The following CRPPA variants were observed in gnomAD, a reference collection of about 807,000 sequenced individuals.
CRPPA encodes the protein D-ribitol-5-phosphate cytidylyltransferase.
Under a neutral mutation model 52.0 loss-of-function variants are expected in CRPPA, and 43 were observed. The observed-to-expected ratio is 0.83, with a 90% CI of 0.65 to 1.07. CRPPA has a LOEUF of 1.07. CRPPA is among the 50% of genes least tolerant of loss of function. The pLI, the probability that CRPPA is intolerant of heterozygous loss-of-function variation, is 0.00. For synonymous variants in CRPPA, 250 were observed against 203.5 expected (o/e 1.23, Z -1.94); for missense variants, 629 against 551.7 (o/e 1.14, Z -1.40).
chr7:16,138,888 G>A (rs1782812073), intron 9 of CRPPA, among the ~76,000 whole-genome samples: 1 of 152,094 alleles, frequency 6.6e-6, no homozygotes, highest in African/African-American at 2.4e-5. Context: ...TGCAACATCT[G>A]CCTCCCAGGT....
intron 6 of CRPPA, 42 bp from the exon 7 acceptor site, chr7:16,259,054 C>G (rs751686177): frequency 7.5e-7 from 1 of 1,341,628 alleles, no homozygotes; most frequent in Non-Finnish European, 1.1e-6. Flanking sequence ...ATTAGATAGA[C>G]CAAACATAAA....
At position 16,266,635 on chromosome 7, in the gene CRPPA, C is replaced by T. The variant is rs181149347; in HGVS notation, c.934-7623G>A. 1.4e-3 allele frequency among the ~76,000 whole-genome samples: 213 copies of T among 152,106 alleles called. 2 individuals carry two copies. The highest frequency in any genetic ancestry group is 5.0e-3 in the African/African-American group (206 of 41,504). Reference sequence around the variant, plus strand: ...CTGGGATTACAGGTGCTCACCACCACGCCTGACTAATTTTTGTATTTTTAG... The same window carrying T: ...CTGGGATTACAGGTGCTCACCACCATGCCTGACTAATTTTTGTATTTTTAG... On this transcript the variant is annotated intron_variant, in intron 6 of 9. Coordinates refer to ENST00000407010, the MANE Select transcript of CRPPA (RefSeq NM_001101426.4).
chr7:16,257,105 A>G (rs1242090758), intron 8 of CRPPA, among the ~76,000 whole-genome samples: 2 of 152,082 alleles, frequency 1.3e-5, no homozygotes, highest in African/African-American at 2.4e-5. Flanking sequence ...TTTCATCCTT[A>G]TAACAACTTA....
At chr7:16,383,524 G>A (rs979021170) in intron 2 of CRPPA, among the ~76,000 whole-genome samples, 1 of 152,184 alleles carries the variant, frequency 6.6e-6, no homozygotes. Context: ...TCTCTTCAAA[G>A]CTGTCAGACA....
intron 3 of CRPPA, among the ~76,000 whole-genome samples, chr7:16,329,193 C>A (rs773763728): frequency 6.6e-6 from 1 of 152,164 alleles, no homozygotes; most frequent in African/African-American, 2.4e-5. Context: ...CAAGACCCCA[C>A]ACTAAAACTA....
At chr7:16,250,815 A>G (rs1366311498) in intron 8 of CRPPA, among the ~76,000 whole-genome samples, 3 of 152,236 alleles carry the variant, frequency 2.0e-5, no homozygotes, top group African/African-American at 7.2e-5. Context: ...AAACTGCATC[A>G]ACTAACGGGC....
At chr7:16,104,023 G>C (rs1033718968) in intron 9 of CRPPA, among the ~76,000 whole-genome samples, 1 of 152,072 alleles carries the variant, frequency 6.6e-6, no homozygotes, top group South Asian at 2.1e-4. Flanking sequence ...ATCATTTAAA[G>C]GATATTTTTG....
At chr7:16,145,165 G>A (rs142245530) in intron 9 of CRPPA, among the ~76,000 whole-genome samples, 7 of 152,322 alleles carry the variant, frequency 4.6e-5, no homozygotes, top group South Asian at 2.1e-4. Context: ...TAGTCTGGAA[G>A]CAGTTCTACC....
At chr7:16,388,517 G>A (rs536376764) in intron 2 of CRPPA, among the ~76,000 whole-genome samples, 1 of 152,180 alleles carries the variant, frequency 6.6e-6, no homozygotes, top group South Asian at 2.1e-4. Flanking sequence ...CAGACAAAGA[G>A]TAAACAAAAG....
At chr7:16,275,950 A>G (rs899275750) in intron 6 of CRPPA, among the ~76,000 whole-genome samples, 2 of 152,072 alleles carry the variant, frequency 1.3e-5, no homozygotes. Flanking sequence ...AAAATAAATG[A>G]AGACTGTAAC....
intron 8 of CRPPA, among the ~76,000 whole-genome samples, chr7:16,232,776 A>C (rs1782839179): frequency 6.6e-6 from 1 of 152,194 alleles, no homozygotes. Flanking sequence ...ATAAGAATAC[A>C]AAAACATCCA....
intron 5 of CRPPA, among the ~76,000 whole-genome samples, chr7:16,293,793 C>G (rs1375454941): frequency 1.3e-5 from 2 of 151,914 alleles, no homozygotes; most frequent in Admixed American, 1.3e-4. Flanking sequence ...AGATCTTAAC[C>G]ACATTTTTAA....
intron 5 of CRPPA, among the ~76,000 whole-genome samples, chr7:16,287,640 G>A (rs988676981): frequency 1.1e-4 from 16 of 152,112 alleles, no homozygotes; most frequent in African/African-American, 2.9e-4. Context: ...GGCTGGGCAC[G>A]GTGGCATGTG....
At chr7:16,346,338 G>T (rs1442699015) in intron 3 of CRPPA, among the ~76,000 whole-genome samples, 4 of 152,042 alleles carry the variant, frequency 2.6e-5, no homozygotes, top group Admixed American at 2.6e-4. Flanking sequence ...AACAACAAAG[G>T]CTCCATAAGA....
chr7:16,129,421 T>C (rs1476981283), intron 9 of CRPPA, among the ~76,000 whole-genome samples: 1 of 152,126 alleles, frequency 6.6e-6, no homozygotes, highest in Non-Finnish European at 1.5e-5. Flanking sequence ...CCATTCCTCC[T>C]CCTCAAGAAA....
chr7:16,291,579 C>T (rs148672926), intron 5 of CRPPA, among the ~76,000 whole-genome samples: 2 of 151,904 alleles, frequency 1.3e-5, no homozygotes, highest in Admixed American at 6.6e-5. Flanking sequence ...CTAACAGAAG[C>T]TGGGAAGTGT....
intron 9 of CRPPA, among the ~76,000 whole-genome samples, chr7:16,097,069 G>A (rs1374105683): frequency 3.9e-5 from 6 of 152,074 alleles, no homozygotes; most frequent in South Asian, 2.1e-4. Flanking sequence ...AGTACTGAAC[G>A]TTGTCCAAAT....
At chr7:16,340,627 C>G (rs1009689686) in intron 3 of CRPPA, among the ~76,000 whole-genome samples, 1 of 140,100 alleles carries the variant, frequency 7.1e-6, no homozygotes. Context: ...AAAAAAAAAA[C>G]GAAAAAACCA....
intron 2 of CRPPA, among the ~76,000 whole-genome samples, chr7:16,396,648 C>T (rs928799793): frequency 1.3e-5 from 2 of 152,218 alleles, no homozygotes; most frequent in Non-Finnish European, 2.9e-5. Context: ...GCACAACTTG[C>T]AACTGCAAAA....
Sources: gnomAD v4.1 joint callset for allele counts (sites outside exome capture counted in the v4.1 genomes callset) on GRCh38, gnomAD v4.1.1 for gene constraint, MANE v1.5 for transcripts, NCBI Gene and HGNC (gene_info 2026-07-23, HGNC 2026-07-21) for gene names.